Variants in DLC1 observed in about 807,000 individuals in gnomAD.
DLC1 encodes the protein rho GTPase-activating protein 7.
Under a neutral mutation model 140.3 loss-of-function variants are expected in DLC1, and 54 were observed. That is an observed-to-expected ratio of 0.38 (90% confidence interval 0.31 to 0.48). DLC1 has a LOEUF of 0.48. Ranked by LOEUF, DLC1 falls within the 20% of genes least tolerant of loss-of-function variation. The pLI, the probability that DLC1 is intolerant of heterozygous loss-of-function variation, is 0.96. For synonymous variants in DLC1, 986 were observed against 728.1 expected (o/e 1.35, Z -5.70); for missense variants, 2,536 against 1,907.0 (o/e 1.33, Z -6.14).
In DLC1 at chr8:13,282,878, G is replaced by C. The variant is rs527274267; in HGVS notation, c.1348+22391C>G. Among the ~76,000 whole-genome samples the C allele has an allele frequency of 2.0e-5, 3 of 152,246 alleles. No individual in the cohort carries two copies. In the South Asian group the frequency reaches 6.2e-4, roughly 32 times the overall value. ...ACCCCTTGCTGTTTCTAAATTAGAA[G>C]ACTTCCTTCTGAGGAAAAACCCAAA... On this transcript the variant is annotated intron_variant, in intron 5 of 17. Transcript: ENST00000276297.
chr8:13,316,423 T>C (rs1832862939), intron 4 of DLC1, among the ~76,000 whole-genome samples: 1 of 151,882 alleles, frequency 6.6e-6, no homozygotes, highest in South Asian at 2.1e-4. Context: ...GCATGTTTCT[T>C]TTTTTTTGCA....
At chr8:13,262,382 A>T (rs183707394) in intron 5 of DLC1, among the ~76,000 whole-genome samples, 1 of 151,980 alleles carries the variant, frequency 6.6e-6, no homozygotes, top group Admixed American at 6.5e-5. Context: ...CCTAAGGAAA[A>T]CTCTCAATTT....
In DLC1 at chr8:13,218,835, T is replaced by C. The variant is rs973798401; in HGVS notation, c.1348+86434A>G. ...ATTCATAATTATATGAATATAACTA[T>C]ATATGAATATAATTATATAATTATA... On this transcript the variant is annotated intron_variant, in intron 5 of 17. Coordinates refer to ENST00000276297, the MANE Select transcript of DLC1 (RefSeq NM_182643.3). 2.2e-5 allele frequency among the ~76,000 whole-genome samples: 3 copies of C among 134,212 alleles called. No homozygotes were observed. The Admixed American group carries it at 2.4e-4, about 11-fold the overall frequency. 88.0% of individuals were successfully genotyped at this position (134,212 alleles called of 152,430 possible). A position where few individuals can be genotyped will look rare whatever the true frequency, so the allele number is the denominator to read the frequency against.
intron 5 of DLC1, among the ~76,000 whole-genome samples, chr8:13,154,167 G>A (rs1181405020): frequency 6.6e-6 from 1 of 152,252 alleles, no homozygotes; most frequent in African/African-American, 2.4e-5. Flanking sequence ...CAGAAGCCCA[G>A]CTGGCTTCCC....
chr8:13,367,306 A>G (rs75064949), intron 4 of DLC1, among the ~76,000 whole-genome samples: 211 of 152,268 alleles, frequency 1.4e-3, no homozygotes, highest in Non-Finnish European at 2.7e-3. Flanking sequence ...CATCCAGATC[A>G]TGAACTGTGA....
In DLC1 at chr8:13,326,234, C is replaced by T. The variant is rs541277060; in HGVS notation, c.1315-20932G>A. On this transcript the variant is annotated intron_variant, in intron 4 of 17. Coordinates refer to ENST00000276297, the MANE Select transcript of DLC1 (RefSeq NM_182643.3). ...AGATCTAAGAGACAGAAAACTAATC[C>T]ACATGCAAATTTCACTAAATATTCA... 1.6e-4 allele frequency among the ~76,000 whole-genome samples: 24 copies of T among 152,148 alleles called. No individual in the cohort carries two copies. The East Asian group carries it at 4.6e-3, about 29-fold the overall frequency.
At chr8:13,284,185 C>T (rs950078802) in intron 5 of DLC1, among the ~76,000 whole-genome samples, 10 of 152,174 alleles carry the variant, frequency 6.6e-5, no homozygotes, top group African/African-American at 2.2e-4. Flanking sequence ...TAAATTAGTC[C>T]TAGAATAAAG....
intron 2 of DLC1, among the ~76,000 whole-genome samples, chr8:13,436,547 T>C (rs1389478921): frequency 1.8e-4 from 27 of 152,224 alleles, no homozygotes; most frequent in Admixed American, 1.8e-3. Context: ...GTCCGGACAA[T>C]TGGGCTTTAC....
At chr8:13,454,695 T>C (rs943769641) in intron 2 of DLC1, among the ~76,000 whole-genome samples, 8 of 152,106 alleles carry the variant, frequency 5.3e-5, no homozygotes, top group African/African-American at 1.9e-4. Flanking sequence ...GCTGGAACTA[T>C]AGGTATGAGT....
At chr8:13,453,400 ATGTG>A (rs1166173314) in intron 2 of DLC1, among the ~76,000 whole-genome samples, 3,941 of 37,980 alleles carry the variant, frequency 0.1, 536 homozygotes, top group African/African-American at 0.22. Flanking sequence ...ATATATATAT[ATGTG>A]TATATATATA....
intron 4 of DLC1, among the ~76,000 whole-genome samples, chr8:13,348,112 A>C (rs1288266387): frequency 6.6e-6 from 1 of 151,620 alleles, no homozygotes; most frequent in Non-Finnish European, 1.5e-5. Flanking sequence ...CAAACAAATA[A>C]ACAAACAAAC....
At chr8:13,089,143 C>T (rs1817824274) in intron 15 of DLC1, among the ~76,000 whole-genome samples, 1 of 151,748 alleles carries the variant, frequency 6.6e-6, no homozygotes, top group Non-Finnish European at 1.5e-5. Flanking sequence ...CCTGTAAGTC[C>T]AGCTACTCAG....
At chr8:13,335,486 G>A (rs147788815) in intron 4 of DLC1, among the ~76,000 whole-genome samples, 4 of 152,218 alleles carry the variant, frequency 2.6e-5, no homozygotes, top group East Asian at 3.9e-4. Context: ...CATATTTATC[G>A]TCAAGGCACG....
chr8:13,115,539 G>A, intron 6 of DLC1, 47 bp downstream of exon 6: 1 of 1,526,826 alleles, frequency 6.5e-7, no homozygotes, highest in Non-Finnish European at 9.0e-7. Context: ...TCGCGAACAA[G>A]GGATTATGAT....
chr8:13,173,834 C>A (rs1277849450), intron 5 of DLC1, among the ~76,000 whole-genome samples: 2 of 152,142 alleles, frequency 1.3e-5, no homozygotes, highest in African/African-American at 4.8e-5. Flanking sequence ...AATATTAAAT[C>A]ATAATTAGTC....
At chr8:13,549,134 G>T (rs909299739) in intron 1 of DLC1, among the ~76,000 whole-genome samples, 1 of 152,038 alleles carries the variant, frequency 6.6e-6, no homozygotes, top group Non-Finnish European at 1.5e-5. Flanking sequence ...GCAAAAATTA[G>T]CAGTGAAAAC....
intron 5 of DLC1, among the ~76,000 whole-genome samples, chr8:13,232,454 C>G (rs182105956): frequency 0.011 from 1,608 of 152,258 alleles, 19 homozygotes; most frequent in Middle Eastern, 0.02. Context: ...CTGCCTCAGC[C>G]TCCTGAGTAG....
At chr8:13,236,992 C>G (rs1829310473) in intron 5 of DLC1, among the ~76,000 whole-genome samples, 1 of 151,970 alleles carries the variant, frequency 6.6e-6, no homozygotes, top group Admixed American at 6.6e-5. Flanking sequence ...ACAAATTTCT[C>G]TCTGTGACAG....
chr8:13,225,177 T>C (rs1381381428), intron 5 of DLC1, among the ~76,000 whole-genome samples: 1 of 151,966 alleles, frequency 6.6e-6, no homozygotes, highest in Non-Finnish European at 1.5e-5. Flanking sequence ...GTGGGTGTGC[T>C]GCCTTTTAAA....
Sources: gnomAD v4.1 joint callset for allele counts (sites outside exome capture counted in the v4.1 genomes callset) on GRCh38, gnomAD v4.1.1 for gene constraint, MANE v1.5 for transcripts, NCBI Gene and HGNC (gene_info 2026-07-23, HGNC 2026-07-21) for gene names.